Variants in KCND2 observed in about 807,000 individuals in gnomAD.
The protein encoded by KCND2 is A-type voltage-gated potassium channel KCND2.
KCND2 carries 16 observed loss-of-function variants against 54.4 expected under a neutral mutation model. The ratio of observed to expected loss-of-function variants is 0.29; its 90% CI spans 0.20 to 0.45. KCND2 has a LOEUF of 0.45. Ranked by LOEUF, KCND2 falls within the 20% of genes least tolerant of loss-of-function variation. The probability of loss-of-function intolerance (pLI) is 1.00; values close to 1 mark genes in which losing one functional copy is unlikely to be tolerated. For synonymous variants in KCND2, 317 were observed against 310.7 expected (o/e 1.02, Z -0.21); for missense variants, 486 against 824.2 (o/e 0.59, Z 5.02).
chr7:120,491,454 A>G (rs1347076839), intron 1 of KCND2, among the ~76,000 whole-genome samples: 1 of 152,180 alleles, frequency 6.6e-6, no homozygotes, highest in East Asian at 1.9e-4. Context: ...AACATATTGT[A>G]GTTGGTAGTC....
intron 1 of KCND2, among the ~76,000 whole-genome samples, chr7:120,466,346 G>A (rs1008766446): frequency 5.9e-5 from 9 of 152,104 alleles, no homozygotes; most frequent in African/African-American, 2.2e-4. Flanking sequence ...AAAAGATAGA[G>A]AGTAATACTG....
At chr7:120,358,255 T>G (rs80281776) in intron 1 of KCND2, among the ~76,000 whole-genome samples, 107 of 152,234 alleles carry the variant, frequency 7.0e-4, no homozygotes, top group African/African-American at 2.6e-3. Flanking sequence ...CCTTGAAAAA[T>G]CCTCTCGAAG....
chr7:120,617,617 C>A (rs915508646), intron 1 of KCND2, among the ~76,000 whole-genome samples: 8 of 152,116 alleles, frequency 5.3e-5, no homozygotes, highest in Admixed American at 4.6e-4. Context: ...ACAGAACTAC[C>A]ATTCGATCCA....
chr7:120,548,731 T>C (rs1264114832), intron 1 of KCND2, among the ~76,000 whole-genome samples: 3 of 152,132 alleles, frequency 2.0e-5, no homozygotes, highest in Admixed American at 2.0e-4. Flanking sequence ...TCAATCACCT[T>C]ACCACAGCCT....
chr7:120,692,636 A>G (rs1792283700), intron 1 of KCND2, among the ~76,000 whole-genome samples: 1 of 152,148 alleles, frequency 6.6e-6, no homozygotes, highest in Non-Finnish European at 1.5e-5. Flanking sequence ...AGGATTAACA[A>G]GAAAAGAATT....
At chr7:120,295,793 A>G (rs1799505036) in intron 1 of KCND2, among the ~76,000 whole-genome samples, 1 of 152,058 alleles carries the variant, frequency 6.6e-6, no homozygotes, top group African/African-American at 2.4e-5. Flanking sequence ...TATTTTGCAG[A>G]TGAGATAATG....
rs527776709 is a variant in KCND2 at position 120,559,971 on chromosome 7, T to A, written c.1116-172932T>A. Among the ~76,000 whole-genome samples the A allele has an allele frequency of 2.0e-5, 3 of 152,144 alleles. No homozygotes were observed. In the South Asian group the frequency reaches 6.2e-4, roughly 32 times the overall value. On this transcript the variant is annotated intron_variant, in intron 1 of 5. Transcript: ENST00000331113. ...GATGAAGGACAATGCTAACGTAAAA[T>A]AGATGATTTCATGTTGTATTCAAAA... is the stretch of plus-strand genomic sequence containing the variant.
intron 1 of KCND2, among the ~76,000 whole-genome samples, chr7:120,519,090 G>A (rs1562861899): frequency 6.6e-6 from 1 of 152,008 alleles, no homozygotes; most frequent in Non-Finnish European, 1.5e-5. Flanking sequence ...GCACTTTGGG[G>A]GCCAAGGCAG....
chr7:120,525,798 A>G (rs1247335370), intron 1 of KCND2, among the ~76,000 whole-genome samples: 1 of 152,200 alleles, frequency 6.6e-6, no homozygotes, highest in Non-Finnish European at 1.5e-5. Context: ...CAGTTGACCC[A>G]CACCACCTCA....
intron 1 of KCND2, among the ~76,000 whole-genome samples, chr7:120,635,181 T>A (rs575796607): frequency 6.6e-6 from 1 of 152,368 alleles, no homozygotes; most frequent in African/African-American, 2.4e-5. Context: ...TTCACAGCTC[T>A]AGCTCTGGTG....
At chr7:120,530,372 T>A (rs994362175) in intron 1 of KCND2, among the ~76,000 whole-genome samples, 1 of 152,110 alleles carries the variant, frequency 6.6e-6, no homozygotes, top group Non-Finnish European at 1.5e-5. Flanking sequence ...ACAGGCTCAA[T>A]TACTTCAGCT....
intron 1 of KCND2, among the ~76,000 whole-genome samples, chr7:120,363,388 C>T (rs1451621539): frequency 6.6e-6 from 1 of 152,100 alleles, no homozygotes; most frequent in Non-Finnish European, 1.5e-5. Context: ...CATAAAATCT[C>T]CTCTAACCAC....
intron 1 of KCND2, among the ~76,000 whole-genome samples, chr7:120,536,541 A>G (rs1347937209): frequency 2.6e-5 from 4 of 152,206 alleles, no homozygotes; most frequent in Non-Finnish European, 5.9e-5. Flanking sequence ...CATACCCTGC[A>G]TTGCTTTATC....
chr7:120,553,957 G>A (rs1792131597), intron 1 of KCND2, among the ~76,000 whole-genome samples: 1 of 152,142 alleles, frequency 6.6e-6, no homozygotes. Context: ...GAGGTGTTCT[G>A]GGATCATCTC....
chr7:120,679,093 A>G (rs1338198390), intron 1 of KCND2, among the ~76,000 whole-genome samples: 2 of 151,866 alleles, frequency 1.3e-5, no homozygotes, highest in Non-Finnish European at 2.9e-5. Flanking sequence ...TGTATATATT[A>G]TTCCATCTGG....
At chr7:120,739,658 G>C (rs978687955) in intron 2 of KCND2, among the ~76,000 whole-genome samples, 1 of 152,018 alleles carries the variant, frequency 6.6e-6, no homozygotes, top group African/African-American at 2.4e-5. Context: ...AGGAAGGGAA[G>C]AGGGGTGGAG....
At chr7:120,677,404 C>T (rs888918239) in intron 1 of KCND2, among the ~76,000 whole-genome samples, 1 of 151,830 alleles carries the variant, frequency 6.6e-6, no homozygotes, top group Non-Finnish European at 1.5e-5. Context: ...ATGAACAGAC[C>T]ATTTGTGAGT....
intron 1 of KCND2, among the ~76,000 whole-genome samples, chr7:120,709,253 A>G (rs1181032514): frequency 3.9e-5 from 6 of 152,144 alleles, no homozygotes; most frequent in Admixed American, 3.3e-4. Context: ...AGTAAAGAAA[A>G]CAAAACTTCA....
At chr7:120,514,013 G>C (rs190956005) in intron 1 of KCND2, among the ~76,000 whole-genome samples, 1 of 152,042 alleles carries the variant, frequency 6.6e-6, no homozygotes, top group Admixed American at 6.6e-5. Flanking sequence ...TAATAATAAT[G>C]TCCTAAACTT....
Sources: gnomAD v4.1 joint callset for allele counts (sites outside exome capture counted in the v4.1 genomes callset) on GRCh38, gnomAD v4.1.1 for gene constraint, MANE v1.5 for transcripts, NCBI Gene and HGNC (gene_info 2026-07-23, HGNC 2026-07-21) for gene names.